APP: variants seen among roughly 807,000 people sequenced by gnomAD.
APP encodes the protein amyloid beta precursor protein, also known as amyloid-beta precursor protein.
A neutral mutation model predicts 101.4 loss-of-function variants in APP; 31 were observed. That is an observed-to-expected ratio of 0.31 (90% confidence interval 0.23 to 0.41). APP has a LOEUF of 0.41. Ranked by LOEUF, APP falls within the 10% of genes least tolerant of loss-of-function variation. The pLI is 1.00. For missense variants in APP, 839 were observed against 1,003.7 expected, an observed-to-expected ratio of 0.84 and a Z score of 2.22; for synonymous variants, 366 against 364.4, an observed-to-expected ratio of 1.00 and a Z score of -0.05.
chr21:25,896,438 A>C (rs2038052438), intron 16 of APP, among the ~76,000 whole-genome samples: 1 of 148,722 alleles, frequency 6.7e-6, no homozygotes, highest in African/African-American at 2.5e-5. Context: ...ACACACACAA[A>C]ACAAAACAAA....
chr21:26,012,230 G>C (rs8127323), intron 6 of APP, among the ~76,000 whole-genome samples: 152,112 of 152,112 alleles, frequency 1, 76,056 homozygotes, highest in Non-Finnish European at 1. Context: ...AACTCCTGGG[G>C]TCAGGCGATC....
chr21:25,903,089 C>G (rs1046942680), intron 15 of APP, among the ~76,000 whole-genome samples: 1 of 330 alleles, frequency 3.0e-3, no homozygotes, highest in South Asian at 0.1. Flanking sequence ...AAGAATAGGC[C>G]GGGCATGGTG....
At chr21:26,125,374 T>C (rs190064729) in intron 1 of APP, among the ~76,000 whole-genome samples, 9 of 152,336 alleles carry the variant, frequency 5.9e-5, no homozygotes, top group Non-Finnish European at 1.3e-4. Context: ...GGATTCATTA[T>C]TGTATATTCA....
intron 11 of APP, among the ~76,000 whole-genome samples, chr21:25,961,027 A>G (rs542468846): frequency 3.3e-5 from 5 of 152,324 alleles, no homozygotes; most frequent in African/African-American, 1.2e-4. Context: ...ACAGGTGTAA[A>G]AAGAAAATAA....
intron 8 of APP, among the ~76,000 whole-genome samples, chr21:25,990,300 G>A (rs559241133): frequency 1.3e-5 from 2 of 152,260 alleles, no homozygotes; most frequent in African/African-American, 4.8e-5. Flanking sequence ...ACTGACATGG[G>A]AATTTTTTCA....
chr21:26,053,263 A>C lies in APP; in HGVS notation c.441T>G (p.His147Gln). The C allele has an allele frequency of 6.2e-7, 1 of 1,613,814 alleles. No homozygotes were observed. Among genetic ancestry groups the C allele is most frequent in the South Asian group, 1.1e-5 (1 of 91,068 alleles). ...HQERMDVCET[H>Q]LHWHTVAKET... ...CTTTGGCGACGGTGTGCCAGTGAAG[A>C]TGAGTTTCGCAAACATCCATCCTCT... Residue 147 changes from histidine (H) to glutamine (Q), a missense_variant, in exon 4 of 18, where the codon CAT becomes CAG. Transcript: ENST00000346798.
At chr21:25,991,867 G>A (rs548353811) in intron 8 of APP, among the ~76,000 whole-genome samples, 16 of 152,224 alleles carry the variant, frequency 1.1e-4, no homozygotes, top group African/African-American at 3.6e-4. Context: ...TTTATTAAAC[G>A]ATCCACTTAC....
chr21:26,087,170 A>C (rs2061722024), intron 3 of APP, among the ~76,000 whole-genome samples: 1 of 152,218 alleles, frequency 6.6e-6, no homozygotes, highest in South Asian at 2.1e-4. Context: ...TCTGGGCTTG[A>C]GACCTTTGGA....
At chr21:25,977,791 T>C (rs1568796786) in intron 9 of APP, among the ~76,000 whole-genome samples, 1 of 152,174 alleles carries the variant, frequency 6.6e-6, no homozygotes, top group Non-Finnish European at 1.5e-5. Context: ...AAAAGAAACA[T>C]ATTGTCCCAT....
intron 2 of APP, among the ~76,000 whole-genome samples, chr21:26,098,011 C>T (rs1158723571): frequency 2.2e-5 from 3 of 135,528 alleles, no homozygotes; most frequent in East Asian, 4.8e-4. Flanking sequence ...ACCTGGGAGG[C>T]GGAGCTTGCA....
chr21:26,148,620 T>C (rs978804637), intron 1 of APP, among the ~76,000 whole-genome samples: 4 of 152,174 alleles, frequency 2.6e-5, no homozygotes, highest in Non-Finnish European at 4.4e-5. Context: ...AACGAAGCAG[T>C]GTCACAGGCA....
Position 26,147,788 on chromosome 21 carries a change from A to G in APP, c.57+22776T>C, listed in dbSNP as rs149022460. 2.5e-3 allele frequency among the ~76,000 whole-genome samples: 385 copies of G among 151,486 alleles called. 3 individuals are homozygous for G. The highest frequency in any genetic ancestry group is 9.0e-3 in the African/African-American group (371 of 41,344). Reference sequence around the variant, plus strand: ...GCGAACACCTGATAGGGCCTTACACACACCGGGCTAATCAGAACATCAAAA... The same window carrying G: ...GCGAACACCTGATAGGGCCTTACACGCACCGGGCTAATCAGAACATCAAAA... On this transcript the variant is annotated intron_variant, in intron 1 of 17. Transcript: ENST00000346798.
At chr21:25,990,013 T>G (rs1226573666) in intron 8 of APP, among the ~76,000 whole-genome samples, 1 of 152,086 alleles carries the variant, frequency 6.6e-6, no homozygotes, top group Non-Finnish European at 1.5e-5. Context: ...ATCCTAACCA[T>G]TAAGTCCAAG....
intron 13 of APP, among the ~76,000 whole-genome samples, chr21:25,939,783 A>C (rs1471198320): frequency 6.6e-6 from 1 of 152,102 alleles, no homozygotes; most frequent in Non-Finnish European, 1.5e-5. Context: ...AAAACACTTA[A>C]ATTTGGTTAG....
intron 3 of APP, among the ~76,000 whole-genome samples, chr21:26,072,793 G>A (rs1159929166): frequency 6.6e-6 from 1 of 152,156 alleles, no homozygotes; most frequent in East Asian, 1.9e-4. Context: ...AAGGGTCTAG[G>A]AGAATTTAAT....
At chr21:26,073,164 C>T (rs1325096842) in intron 3 of APP, among the ~76,000 whole-genome samples, 1 of 151,898 alleles carries the variant, frequency 6.6e-6, no homozygotes, top group Non-Finnish European at 1.5e-5. Flanking sequence ...AATGGACAAC[C>T]CCAGGGTACT....
intron 1 of APP, among the ~76,000 whole-genome samples, chr21:26,116,078 C>T (rs1023324092): frequency 2.0e-5 from 3 of 152,146 alleles, no homozygotes; most frequent in Admixed American, 1.3e-4. Flanking sequence ...TTGCCACTGA[C>T]ATCATAAAAC....
At chr21:26,096,631 T>C (rs1032977906) in intron 2 of APP, among the ~76,000 whole-genome samples, 9 of 152,064 alleles carry the variant, frequency 5.9e-5, no homozygotes, top group African/African-American at 1.7e-4. Flanking sequence ...TCAACACCCA[T>C]GGGTGCATGG....
At chr21:26,076,918 C>T (rs1444548284) in intron 3 of APP, among the ~76,000 whole-genome samples, 1 of 151,990 alleles carries the variant, frequency 6.6e-6, no homozygotes, top group Non-Finnish European at 1.5e-5. Context: ...AAAAAATTAG[C>T]CGGGCGTGGT....
Sources: allele counts gnomAD v4.1 joint callset (sites outside exome capture counted in the v4.1 genomes callset), GRCh38; gene constraint gnomAD v4.1.1; transcripts MANE v1.5; gene names NCBI Gene and HGNC (gene_info 2026-07-23, HGNC 2026-07-21).